DDAH1: variants seen among roughly 807,000 people sequenced by gnomAD.
DDAH1 encodes dimethylarginine dimethylaminohydrolase 1.
DDAH1 carries 19 observed loss-of-function variants against 28.8 expected under a neutral mutation model. The ratio of observed to expected loss-of-function variants is 0.66; its 90% CI spans 0.46 to 0.97. The LOEUF is 0.97. Among genes scored for constraint, DDAH1 ranks in the 50% least tolerant of loss-of-function variants. The probability of loss-of-function intolerance (pLI) is 0.00; values close to 1 mark genes in which losing one functional copy is unlikely to be tolerated. For missense variants in DDAH1, 326 were observed against 375.9 expected, an observed-to-expected ratio of 0.87 and a Z score of 1.10; for synonymous variants, 153 against 154.4, an observed-to-expected ratio of 0.99 and a Z score of 0.07.
intron 1 of DDAH1, among the ~76,000 whole-genome samples, chr1:85,531,098 T>C (rs1185125775): frequency 6.6e-6 from 1 of 152,018 alleles, no homozygotes; most frequent in African/African-American, 2.4e-5. Flanking sequence ...TAATGATATT[T>C]AATCCAGGGC....
chr1:85,422,660 C>T (rs919455243), intron 1 of DDAH1, among the ~76,000 whole-genome samples: 3 of 152,136 alleles, frequency 2.0e-5, no homozygotes, highest in Non-Finnish European at 2.9e-5. Context: ...GATCCTTTTG[C>T]CACTGAGTGG....
At chr1:85,466,123 C>T (rs537004836), upstream of DDAH1, among the ~76,000 whole-genome samples, 1 of 152,344 alleles carries the variant, frequency 6.6e-6, no homozygotes, top group South Asian at 2.1e-4. Context: ...CTCTGAGCAT[C>T]CTAGAATGGT....
intron 1 of DDAH1, among the ~76,000 whole-genome samples, chr1:85,539,300 C>T (rs1658397518): frequency 6.6e-6 from 1 of 152,156 alleles, no homozygotes; most frequent in South Asian, 2.1e-4. Context: ...GCTCCCGCCA[C>T]CATACTCAGC....
At chr1:85,390,822 G>A (rs749196170) in intron 1 of DDAH1, among the ~76,000 whole-genome samples, 4 of 152,112 alleles carry the variant, frequency 2.6e-5, no homozygotes, top group Non-Finnish European at 5.9e-5. Flanking sequence ...CCTTTTTCAC[G>A]TACAGAATTA....
At chr1:85,506,926 G>A (rs985047020) in intron 1 of DDAH1, among the ~76,000 whole-genome samples, 7 of 152,174 alleles carry the variant, frequency 4.6e-5, no homozygotes, top group African/African-American at 1.7e-4. Flanking sequence ...GTCAGAGAGT[G>A]ACCACGGGGA....
At chr1:85,537,715 A>C (rs1411165647) in intron 1 of DDAH1, among the ~76,000 whole-genome samples, 3 of 151,138 alleles carry the variant, frequency 2.0e-5, no homozygotes, top group Non-Finnish European at 2.9e-5. Flanking sequence ...ACATTAGAGA[A>C]TTAGGGAAGC....
chr1:85,375,777 G>A (rs1040762172), intron 1 of DDAH1, among the ~76,000 whole-genome samples: 1 of 152,024 alleles, frequency 6.6e-6, no homozygotes, highest in Non-Finnish European at 1.5e-5. Context: ...CTTTAGAGGA[G>A]ATCATGGAAA....
At chr1:85,469,500 A>C (rs1169970643), upstream of DDAH1, among the ~76,000 whole-genome samples, 1 of 152,236 alleles carries the variant, frequency 6.6e-6, no homozygotes, top group Non-Finnish European at 1.5e-5. Flanking sequence ...TAATATTGCA[A>C]AGTGCTTAAA....
chr1:85,547,984 A>C (rs1464692739), intron 1 of DDAH1, among the ~76,000 whole-genome samples: 1 of 152,230 alleles, frequency 6.6e-6, no homozygotes, highest in African/African-American at 2.4e-5. Flanking sequence ...ATTCGTTCTT[A>C]ACCTATAGTC....
intron 1 of DDAH1, among the ~76,000 whole-genome samples, chr1:85,513,013 A>G (rs965553525): frequency 1.3e-5 from 2 of 152,220 alleles, no homozygotes; most frequent in Admixed American, 6.5e-5. Flanking sequence ...TAAAGTTCAT[A>G]TGGAACCAAC....
At chr1:85,502,410 C>A (rs909759563) in intron 1 of DDAH1, among the ~76,000 whole-genome samples, 2 of 152,216 alleles carry the variant, frequency 1.3e-5, no homozygotes, top group Non-Finnish European at 1.5e-5. Flanking sequence ...CAAATGACAA[C>A]AAAGCCAGTG....
chr1:85,466,457 T>G (rs1211134729), upstream of DDAH1, among the ~76,000 whole-genome samples: 3 of 152,092 alleles, frequency 2.0e-5, no homozygotes, highest in Non-Finnish European at 4.4e-5. Flanking sequence ...CCATGTTGGC[T>G]AGGCTGGTCT....
chr1:85,480,854 T>C (rs1398838318), intron 2 of DDAH1, among the ~76,000 whole-genome samples: 1 of 151,952 alleles, frequency 6.6e-6, no homozygotes, highest in African/African-American at 2.4e-5. Context: ...GGTATATCCA[T>C]ACCTGTGGGA....
chr1:85,460,900 T>C (rs1655095880), intron 1 of DDAH1, among the ~76,000 whole-genome samples: 1 of 152,246 alleles, frequency 6.6e-6, no homozygotes, highest in Non-Finnish European at 1.5e-5. Flanking sequence ...CCTCACACCC[T>C]GTTATTTCTC....
intron 1 of DDAH1, among the ~76,000 whole-genome samples, chr1:85,544,407 T>A (rs1413585614): frequency 2.0e-5 from 3 of 152,110 alleles, no homozygotes; most frequent in African/African-American, 4.8e-5. Context: ...GAATTGCATT[T>A]AACTCTACAT....
intron 2 of DDAH1, among the ~76,000 whole-genome samples, chr1:85,473,808 T>C (rs1365345474): frequency 6.6e-6 from 1 of 152,230 alleles, no homozygotes; most frequent in African/African-American, 2.4e-5. Context: ...CAGAGTTCTC[T>C]AGCCTCCATC....
chr1:85,406,659 G>T lies in DDAH1; in HGVS notation c.304-47812C>A, dbSNP rs114302991. On this transcript the variant is annotated intron_variant, in intron 1 of 5. Transcript: ENST00000284031. ...ATACATTGTGGAATGGCTGAATCAG[G>T]CATATGGCTTACCTCATATACTGAT... 3.4e-3 allele frequency among the ~76,000 whole-genome samples: 510 copies of T among 152,194 alleles called. 2 individuals are homozygous for T. Among genetic ancestry groups the T allele is most frequent in the African/African-American group, 0.012 (489 of 41,550 alleles).
chr1:85,325,358 C>CGT (rs1271423436), intron 4 of DDAH1, among the ~76,000 whole-genome samples: 1 of 151,458 alleles, frequency 6.6e-6, no homozygotes, highest in Non-Finnish European at 1.5e-5. Context: ...CGTGCGTGCG[C>CGT]GCGCGCGCGC....
At chr1:85,416,236 A>C (rs954043590) in intron 1 of DDAH1, among the ~76,000 whole-genome samples, 1 of 151,098 alleles carries the variant, frequency 6.6e-6, no homozygotes, top group Admixed American at 6.6e-5. Flanking sequence ...TTCTATATAT[A>C]GTATTTGGTT....
Sources: gnomAD v4.1 joint callset for allele counts (sites outside exome capture counted in the v4.1 genomes callset) on GRCh38, gnomAD v4.1.1 for gene constraint, MANE v1.5 for transcripts, NCBI Gene and HGNC (gene_info 2026-07-23, HGNC 2026-07-21) for gene names.